SMG7: variants seen among roughly 807,000 people sequenced by gnomAD.
SMG7 encodes the protein nonsense-mediated mRNA decay factor SMG7.
A neutral mutation model predicts 148.2 loss-of-function variants in SMG7; 34 were observed. The observed-to-expected ratio is 0.23, with a 90% CI of 0.17 to 0.31. SMG7 has a LOEUF of 0.31. Ranked by LOEUF, SMG7 falls within the 10% of genes least tolerant of loss-of-function variation. The pLI is 1.00. For synonymous variants in SMG7, 492 were observed against 515.1 expected (o/e 0.96, Z 0.61); for missense variants, 1,114 against 1,408.4 (o/e 0.79, Z 3.35).
chr1:183,539,378 G>T (rs1205118092), intron 12 of SMG7, among the ~76,000 whole-genome samples: 1 of 152,050 alleles, frequency 6.6e-6, no homozygotes, highest in Non-Finnish European at 1.5e-5. Context: ...TTAGCACTCA[G>T]TCTTTTTCAC....
At chr1:183,485,383 C>T (rs958229919) in intron 1 of SMG7, among the ~76,000 whole-genome samples, 1 of 152,036 alleles carries the variant, frequency 6.6e-6, no homozygotes, top group Non-Finnish European at 1.5e-5. Flanking sequence ...AGATAATAAG[C>T]GGGAAGTGGG....
At position 183,541,057 on chromosome 1, in the gene SMG7, C is replaced by T. The variant is rs1668729185; in HGVS notation, c.1369C>T (p.Gln457Ter). Residue 457 changes from glutamine to a stop codon, truncating the protein, a stop_gained, in exon 13 of 23, where the codon CAA becomes TAA. Transcript: ENST00000688051. LOFTEE classifies it high-confidence loss of function. ...KEGQQRRIRQ[Q>*]RLISIGKWIA... is the part of the protein sequence containing the mutation. ...AGGCCAGCAACGACGAATACGACAG[C>T]AACGCTTGATCTCTATAGGCAAATG... The T allele has an allele frequency of 6.2e-7, 1 of 1,613,412 alleles. No homozygotes were observed. The highest frequency in any genetic ancestry group is 1.3e-5 in the African/African-American group (1 of 74,924).
chr1:183,541,990 A>G lies in SMG7; in HGVS notation c.1416-86A>G, dbSNP rs16861138. 10 of 1,096,668 alleles carry G rather than the reference A, an allele frequency of 9.1e-6. No individual in the cohort carries two copies. In the South Asian group the frequency reaches 1.5e-4, roughly 17 times the overall value. 67.9% of individuals were successfully genotyped at this position (1,096,668 alleles called of 1,614,324 possible). A position where few individuals can be genotyped will look rare whatever the true frequency, so the allele number is the denominator to read the frequency against. ...GTTTTCATGGTTATTAGTGCTAGGA[A>G]TATATTGACTTGGATCCACACACAA... On this transcript the variant is annotated intron_variant, in intron 13 of 22. Transcript: ENST00000688051.
At chr1:183,518,029 C>A (rs1257254906) in intron 4 of SMG7, among the ~76,000 whole-genome samples, 1 of 152,120 alleles carries the variant, frequency 6.6e-6, no homozygotes, top group Non-Finnish European at 1.5e-5. Flanking sequence ...CTTCCTGCAG[C>A]CTCAGCCTCC....
intron 4 of SMG7, among the ~76,000 whole-genome samples, chr1:183,521,099 G>A (rs1309529345): frequency 6.9e-6 from 1 of 144,512 alleles, no homozygotes; most frequent in Non-Finnish European, 1.5e-5. Context: ...TTAAGACAGA[G>A]TCTTGCTCTG....
chr1:183,548,997 G>A, intron 18 of SMG7: 1 of 571,830 alleles, frequency 1.7e-6, no homozygotes, highest in African/African-American at 1.9e-5. Flanking sequence ...GACTAGGTTT[G>A]ATCTAAAAGG....
At chr1:183,473,397 A>T (rs1248429979) in intron 1 of SMG7, among the ~76,000 whole-genome samples, 2 of 151,910 alleles carry the variant, frequency 1.3e-5, no homozygotes, top group African/African-American at 2.4e-5. Flanking sequence ...TGTCAGAGGT[A>T]GAGTGACACA....
At position 183,553,127 on chromosome 1, in the gene SMG7, C is replaced by G. The variant is rs765169448; in HGVS notation, c.*1196C>G. ...TTTCAGAGTGAAATTCAAGGCAGCA[C>G]GGACATGTGCCCATCAGGCACAGAA... is the stretch of plus-strand genomic sequence containing the variant. On this transcript the variant is annotated 3_prime_UTR_variant, in exon 23 of 23. Transcript: ENST00000688051. 2.0e-6 allele frequency: 3 copies of G among 1,536,322 alleles called. No homozygotes were observed. Among genetic ancestry groups the G allele is most frequent in the Non-Finnish European group, 2.6e-6 (3 of 1,146,930 alleles).
At position 183,553,397 on chromosome 1, in the gene SMG7, T is replaced by C. The variant is rs1050734687; in HGVS notation, c.*1466T>C. 10 of 604,634 alleles carry C rather than the reference T, an allele frequency of 1.7e-5. No individual in the cohort carries two copies. The East Asian group carries it at 3.0e-4, about 18-fold the overall frequency. 37.5% of individuals were successfully genotyped at this position (604,634 alleles called of 1,614,324 possible). A position where few individuals can be genotyped will look rare whatever the true frequency, so the allele number is the denominator to read the frequency against. On this transcript the variant is annotated 3_prime_UTR_variant, in exon 23 of 23. Coordinates refer to ENST00000688051, the MANE Select transcript of SMG7 (RefSeq NM_001375584.1). The stretch of plus-strand genomic sequence containing the variant: ...GGGAGGTCTCTCCTTTGTGTGTCTG[T>C]ATGTTTGTGTACACACACGTGCCCA...
chr1:183,523,806 T>C (rs1665269952), intron 4 of SMG7, among the ~76,000 whole-genome samples: 1 of 152,074 alleles, frequency 6.6e-6, no homozygotes, highest in East Asian at 1.9e-4. Context: ...TTTTGTGATC[T>C]TTCTTTTTTG....
At chr1:183,487,070 C>T (rs971478239) in intron 1 of SMG7, among the ~76,000 whole-genome samples, 7 of 152,234 alleles carry the variant, frequency 4.6e-5, no homozygotes, top group Admixed American at 1.3e-4. Flanking sequence ...TAGCGGTATT[C>T]GTTTCCTTTT....
intron 1 of SMG7, among the ~76,000 whole-genome samples, chr1:183,492,814 A>G (rs1376625554): frequency 6.6e-6 from 1 of 152,048 alleles, no homozygotes; most frequent in African/African-American, 2.4e-5. Flanking sequence ...TTTTAGACCT[A>G]TTTTAACATA....
At position 183,541,106 on chromosome 1, in the gene SMG7, A is replaced by G; in HGVS notation, c.1415+3A>G. 1 of 1,612,740 alleles carries G rather than the reference A, an allele frequency of 6.2e-7. No individual in the cohort carries two copies. Among genetic ancestry groups the G allele is most frequent in the Non-Finnish European group, 8.5e-7 (1 of 1,179,002 alleles). On this transcript the variant is annotated splice_donor_region_variant and intron_variant, in intron 13 of 22. Coordinates refer to ENST00000688051, the MANE Select transcript of SMG7 (RefSeq NM_001375584.1). ...TGGATTGCTGATAATCAGCCAAGGT[A>G]AGTCTGGAACTTCTGGTCTACCCCT...
chr1:183,547,708 T>C (rs1346019074), intron 18 of SMG7, among the ~76,000 whole-genome samples: 2 of 152,238 alleles, frequency 1.3e-5, no homozygotes, highest in Non-Finnish European at 2.9e-5. Context: ...TGGCTCTTTT[T>C]TGTTTGGTTA....
chr1:183,535,962 AAT>A (rs565216755), intron 10 of SMG7, among the ~76,000 whole-genome samples: 2 of 152,020 alleles, frequency 1.3e-5, no homozygotes, highest in Non-Finnish European at 2.9e-5. Flanking sequence ...ATATATTTTT[AAT>A]ATGTGTATAT....
Position 183,542,448 on chromosome 1 carries a change from G to A in SMG7, c.1788G>A (p.Lys596=), listed in dbSNP as rs1351648181. The A allele has an allele frequency of 6.2e-7, 1 of 1,613,824 alleles. No individual in the cohort carries two copies. Among genetic ancestry groups the A allele is most frequent in the African/African-American group, 1.3e-5 (1 of 74,898 alleles). Residue 596 remains lysine (K), a synonymous_variant, in exon 14 of 23, where the codon AAG becomes AAA. Transcript: ENST00000688051. ...KDNNKRKTET[K]KCTLEKLQET... is the part of the protein sequence containing the mutation. ...ACAACAAGAGGAAAACTGAAACCAA[G>A]AAATGCACCTTAGAAAAGTTACAGG...
At position 183,547,681 on chromosome 1, in the gene SMG7, C is replaced by T. The variant is rs553031563; in HGVS notation, c.2892+429C>T. On this transcript the variant is annotated intron_variant, in intron 18 of 22. Coordinates refer to ENST00000688051, the MANE Select transcript of SMG7 (RefSeq NM_001375584.1). Reference sequence around the variant, plus strand: ...TGTTCTTGATTTTTTTTTTGACTGACATTACTGAACAGTATATGGCTCTTT... The same window carrying T: ...TGTTCTTGATTTTTTTTTTGACTGATATTACTGAACAGTATATGGCTCTTT... 7.2e-5 allele frequency among the ~76,000 whole-genome samples: 11 copies of T among 152,146 alleles called. 1 individual carries two copies. In the South Asian group the frequency reaches 2.3e-3, roughly 32 times the overall value.
Position 183,528,055 on chromosome 1 carries a change from ACC to A in SMG7, c.556+29_556+30del, listed in dbSNP as rs1340376863. ...GAGTGGACCTGTCAACCTGAGATTG[ACC>A]GTGACACTTTGTTCTTTATAACAAT... On this transcript the variant is annotated intron_variant, in intron 6 of 22. Transcript: ENST00000688051. The A allele has an allele frequency of 1.9e-6, 3 of 1,556,414 alleles. No individual in the cohort carries two copies. In the African/African-American group the frequency reaches 4.1e-5, roughly 21 times the overall value.
At chr1:183,475,505 A>T (rs1162631982) in intron 1 of SMG7, among the ~76,000 whole-genome samples, 1 of 152,256 alleles carries the variant, frequency 6.6e-6, no homozygotes, top group Non-Finnish European at 1.5e-5. Context: ...GCTATGTGTT[A>T]GGAAAATGAC....
Sources: gnomAD v4.1 joint callset for allele counts (sites outside exome capture counted in the v4.1 genomes callset) on GRCh38, gnomAD v4.1.1 for gene constraint, MANE v1.5 for transcripts, NCBI Gene and HGNC (gene_info 2026-07-23, HGNC 2026-07-21) for gene names.